Variants in ANTXR2 observed in about 807,000 individuals in gnomAD.
ANTXR2 encodes the protein ANTXR cell adhesion molecule 2, also known as anthrax toxin receptor 2.
Under a neutral mutation model 73.7 loss-of-function variants are expected in ANTXR2, and 44 were observed. The observed-to-expected ratio is 0.60, with a 90% CI of 0.47 to 0.77. The LOEUF is 0.77. Among genes scored for constraint, ANTXR2 ranks in the 30% least tolerant of loss-of-function variants. The pLI is 0.00. For missense variants in ANTXR2, 604 were observed against 592.5 expected, an observed-to-expected ratio of 1.02 and a Z score of -0.20; for synonymous variants, 217 against 205.9, an observed-to-expected ratio of 1.05 and a Z score of -0.46.
intron 12 of ANTXR2, among the ~76,000 whole-genome samples, chr4:79,990,722 T>G (rs1192108217): frequency 6.6e-6 from 1 of 151,922 alleles, no homozygotes; most frequent in Non-Finnish European, 1.5e-5. Flanking sequence ...ACACTACCTG[T>G]CTTCAAACTA....
chr4:80,004,634 T>C (rs61285685), intron 12 of ANTXR2, among the ~76,000 whole-genome samples: 13,904 of 152,122 alleles, frequency 0.091, 738 homozygotes, highest in Middle Eastern at 0.23. Context: ...TCTCCCTCTG[T>C]CTCCCTTTTA....
At chr4:80,026,985 T>C (rs1368224050) in intron 10 of ANTXR2, among the ~76,000 whole-genome samples, 1 of 152,058 alleles carries the variant, frequency 6.6e-6, no homozygotes, top group African/African-American at 2.4e-5. Context: ...GTGCACCATG[T>C]GAAGGAAAAG....
intron 6 of ANTXR2, among the ~76,000 whole-genome samples, chr4:80,054,853 T>C (rs1056022150): frequency 1.3e-5 from 2 of 151,364 alleles, no homozygotes; most frequent in Non-Finnish European, 3.0e-5. Context: ...ATATATAATA[T>C]AATAACATTT....
chr4:79,910,532 G>GAAAAAAAAAAAAAAAAAAAAAAAAAAAAA (rs10718867), intron 16 of ANTXR2, among the ~76,000 whole-genome samples: 1 of 137,578 alleles, frequency 7.3e-6, no homozygotes, highest in African/African-American at 2.7e-5. Flanking sequence ...AGAAAAAAAA[G>GAAAAAAAAAAAAAAAAAAAAAAAAAAAAA]AAAAAAAAAA....
chr4:79,911,730 GTTA>G (rs1233311029), intron 16 of ANTXR2, among the ~76,000 whole-genome samples: 1 of 151,766 alleles, frequency 6.6e-6, no homozygotes. Context: ...TGTAATATAT[GTTA>G]TTATTATGAA....
At chr4:80,006,088 G>A (rs769599248) in intron 12 of ANTXR2, among the ~76,000 whole-genome samples, 5 of 152,026 alleles carry the variant, frequency 3.3e-5, no homozygotes, top group Admixed American at 2.0e-4. Context: ...ACTGAATTGG[G>A]AGTCATCAGG....
chr4:79,958,812 C>A (rs898142574), intron 16 of ANTXR2, among the ~76,000 whole-genome samples: 3 of 152,110 alleles, frequency 2.0e-5, no homozygotes, highest in East Asian at 3.8e-4. Flanking sequence ...GAATTAAATT[C>A]TCTTCTCACT....
At chr4:80,070,543 A>G (rs528365522) in intron 2 of ANTXR2, among the ~76,000 whole-genome samples, 101 of 152,324 alleles carry the variant, frequency 6.6e-4, no homozygotes, top group Non-Finnish European at 1.1e-3. Flanking sequence ...TTTCCTAGAC[A>G]GTTTTACCTC....
intron 16 of ANTXR2, among the ~76,000 whole-genome samples, chr4:79,950,412 G>GT (rs1179290994): frequency 6.6e-6 from 1 of 152,088 alleles, no homozygotes; most frequent in African/African-American, 2.4e-5. Context: ...CTACAAAAGT[G>GT]TATCTCTTGA....
At chr4:79,954,617 A>G (rs1243696896) in intron 16 of ANTXR2, among the ~76,000 whole-genome samples, 1 of 152,182 alleles carries the variant, frequency 6.6e-6, no homozygotes, top group Admixed American at 6.5e-5. Context: ...GATTTTAAAA[A>G]GAATGAATTT....
At chr4:79,920,685 T>C (rs150845582) in intron 16 of ANTXR2, among the ~76,000 whole-genome samples, 55 of 152,110 alleles carry the variant, frequency 3.6e-4, no homozygotes, top group African/African-American at 1.2e-3. Context: ...AAGTAGAAGA[T>C]GTGGTCAAAC....
At chr4:79,995,755 G>A (rs1467079645) in intron 12 of ANTXR2, among the ~76,000 whole-genome samples, 2 of 151,770 alleles carry the variant, frequency 1.3e-5, no homozygotes, top group Non-Finnish European at 2.9e-5. Context: ...AATAATTCAT[G>A]ACTTATTATA....
chr4:80,065,326 C>G (rs1324685912), intron 3 of ANTXR2, among the ~76,000 whole-genome samples: 3 of 152,228 alleles, frequency 2.0e-5, no homozygotes, highest in African/African-American at 7.2e-5. Flanking sequence ...TGGCATTTTT[C>G]TCTTACCTAA....
chr4:79,907,150 C>T lies in ANTXR2; in HGVS notation c.*279G>A, dbSNP rs1182545150. On this transcript the variant is annotated 3_prime_UTR_variant, in exon 17 of 17. Coordinates refer to ENST00000403729, the MANE Select transcript of ANTXR2 (RefSeq NM_058172.6). ...ACACATTCAAACAAACTTTCTTGTA[C>T]AAACCATAGTCTGCAGGTCAATGTT... is the stretch of plus-strand genomic sequence containing the variant. The T allele has an allele frequency of 1.3e-5, 6 of 476,946 alleles. No individual in the cohort carries two copies. Among genetic ancestry groups the T allele is most frequent in the Non-Finnish European group, 1.8e-5 (5 of 272,336 alleles). 29.5% of individuals were successfully genotyped at this position (476,946 alleles called of 1,614,324 possible).
chr4:79,995,962 AG>A (rs1730703608), intron 12 of ANTXR2, among the ~76,000 whole-genome samples: 1 of 152,038 alleles, frequency 6.6e-6, no homozygotes, highest in African/African-American at 2.4e-5. Flanking sequence ...CACTATTAAC[AG>A]GAACCACCCT....
intron 13 of ANTXR2, among the ~76,000 whole-genome samples, chr4:79,984,516 GTT>G (rs531324803): frequency 6.6e-6 from 1 of 152,040 alleles, no homozygotes; most frequent in Non-Finnish European, 1.5e-5. Context: ...CAGCTTGGAT[GTT>G]TTTTGTCAAT....
At chr4:79,977,400 A>G in intron 16 of ANTXR2, 1 of 928,136 alleles carries the variant, frequency 1.1e-6, no homozygotes, top group East Asian at 3.1e-5. Flanking sequence ...AGAATTGTAA[A>G]GAATTTCTTG....
At chr4:80,009,539 A>G (rs779133248) in intron 11 of ANTXR2, among the ~76,000 whole-genome samples, 1 of 152,132 alleles carries the variant, frequency 6.6e-6, no homozygotes, top group African/African-American at 2.4e-5. Context: ...CGTATACTCC[A>G]TGTCTGGCAT....
At chr4:80,063,574 C>CT (rs1734363538) in intron 3 of ANTXR2, among the ~76,000 whole-genome samples, 1 of 152,010 alleles carries the variant, frequency 6.6e-6, no homozygotes, top group South Asian at 2.1e-4. Flanking sequence ...TGTATGTTCT[C>CT]TAGACTTCTT....
Sources: gnomAD v4.1 joint callset for allele counts (sites outside exome capture counted in the v4.1 genomes callset) on GRCh38, gnomAD v4.1.1 for gene constraint, MANE v1.5 for transcripts, NCBI Gene and HGNC (gene_info 2026-07-23, HGNC 2026-07-21) for gene names.